ATRNL1: variants seen among roughly 807,000 people sequenced by gnomAD.
ATRNL1 encodes attractin-like protein 1.
In ATRNL1, 95 loss-of-function variants were observed where a neutral mutation model predicts 182.7. The observed-to-expected ratio is 0.52, with a 90% CI of 0.44 to 0.62. The LOEUF (loss-of-function observed/expected upper bound fraction) is 0.62. ATRNL1 is among the 20% of genes least tolerant of loss of function. The probability of loss-of-function intolerance (pLI) is 0.00; values close to 1 mark genes in which losing one functional copy is unlikely to be tolerated. For missense variants in ATRNL1, 1,471 were observed against 1,679.5 expected, an observed-to-expected ratio of 0.88 and a Z score of 2.17; for synonymous variants, 576 against 568.3, an observed-to-expected ratio of 1.01 and a Z score of -0.19.
At chr10:115,340,471 CT>C (rs1197538123) in intron 19 of ATRNL1, among the ~76,000 whole-genome samples, 11 of 89,570 alleles carry the variant, frequency 1.2e-4, no homozygotes, top group South Asian at 1.2e-3. Flanking sequence ...CTTTTCTTTT[CT>C]TTTCTTTTTT....
chr10:115,446,009 G>A (rs1189912783), intron 21 of ATRNL1, among the ~76,000 whole-genome samples: 1 of 151,972 alleles, frequency 6.6e-6, no homozygotes, highest in Non-Finnish European at 1.5e-5. Flanking sequence ...AGGTACATGG[G>A]TTGTTTTTAC....
intron 20 of ATRNL1, among the ~76,000 whole-genome samples, chr10:115,424,383 A>C (rs1359675149): frequency 1.3e-5 from 2 of 152,218 alleles, no homozygotes; most frequent in Non-Finnish European, 2.9e-5. Context: ...AAGTTTCTCC[A>C]AAAATTAAAA....
intron 9 of ATRNL1, among the ~76,000 whole-genome samples, chr10:115,241,358 C>T (rs1266759828): frequency 6.6e-6 from 1 of 151,402 alleles, no homozygotes; most frequent in African/African-American, 2.4e-5. Context: ...TATTGTGTCT[C>T]CTCAAAGCAT....
rs565667364 is a variant in ATRNL1 at position 115,579,108 on chromosome 10, T to C, written c.3795+29572T>C. Among the ~76,000 whole-genome samples, 8 of 151,926 alleles carry C rather than the reference T, an allele frequency of 5.3e-5. No homozygotes were observed. The East Asian group carries it at 1.5e-3, about 29-fold the overall frequency. ...TCTTCTTAAATTTGTTAAGAATTGTTTTGTGGTCTAACGTGATCTATCCTA... is the reference window on the plus strand; with the variant it reads ...TCTTCTTAAATTTGTTAAGAATTGTCTTGTGGTCTAACGTGATCTATCCTA... On this transcript the variant is annotated intron_variant, in intron 26 of 28. Transcript: ENST00000355044.
At chr10:115,217,488 T>C (rs143537688) in intron 9 of ATRNL1, among the ~76,000 whole-genome samples, 228 of 152,322 alleles carry the variant, frequency 1.5e-3, no homozygotes, top group African/African-American at 5.2e-3. Context: ...GGTATAGCAA[T>C]GCTCAGGTAA....
chr10:115,148,622 G>A (rs894468986), intron 5 of ATRNL1, among the ~76,000 whole-genome samples: 1 of 152,104 alleles, frequency 6.6e-6, no homozygotes, highest in Non-Finnish European at 1.5e-5. Flanking sequence ...AATCGAAGAC[G>A]TGGACACACA....
At chr10:115,489,008 T>G (rs549190426) in intron 24 of ATRNL1, among the ~76,000 whole-genome samples, 117 of 152,198 alleles carry the variant, frequency 7.7e-4, no homozygotes, top group Middle Eastern at 3.4e-3. Flanking sequence ...GGAGCAGGTT[T>G]TTCAGTTTCC....
At chr10:115,146,134 T>G (rs1845960817) in intron 5 of ATRNL1, among the ~76,000 whole-genome samples, 1 of 152,090 alleles carries the variant, frequency 6.6e-6, no homozygotes, top group South Asian at 2.1e-4. Flanking sequence ...TTAGCAATAT[T>G]TATTTAATGT....
intron 26 of ATRNL1, among the ~76,000 whole-genome samples, chr10:115,584,203 TA>T (rs1555008967): frequency 2.0e-5 from 3 of 147,702 alleles, no homozygotes; most frequent in Non-Finnish European, 3.0e-5. Flanking sequence ...GATATTGGTC[TA>T]AAATTCTCTT....
rs1854367955 is a variant in ATRNL1, at chr10:115,571,172, C to T, written c.3795+21636C>T. On this transcript the variant is annotated intron_variant, in intron 26 of 28. Coordinates refer to ENST00000355044, the MANE Select transcript of ATRNL1 (RefSeq NM_207303.4). ...CAATTGTTTTAATAGGAGGCAGCTT[C>T]TAGTCCTTTTATAGACTAGACCTAT... Among the ~76,000 whole-genome samples the T allele has an allele frequency of 3.3e-5, 5 of 152,286 alleles. No individual in the cohort carries two copies. In the South Asian group the frequency reaches 1.0e-3, roughly 32 times the overall value.
chr10:115,134,937 CAT>C (rs1157392659), intron 5 of ATRNL1, among the ~76,000 whole-genome samples: 1 of 152,104 alleles, frequency 6.6e-6, no homozygotes, highest in Non-Finnish European at 1.5e-5. Context: ...ACAAAAACCA[CAT>C]GATTATCTCA....
chr10:115,519,096 A>G (rs1021435504), intron 24 of ATRNL1, among the ~76,000 whole-genome samples, 167 bp from the exon 25 acceptor site: 48 of 152,052 alleles, frequency 3.2e-4, no homozygotes, highest in African/African-American at 9.7e-4. Context: ...AGTTGGATAT[A>G]TTAGGTATTC....
intron 28 of ATRNL1, among the ~76,000 whole-genome samples, chr10:115,911,971 C>T (rs1262115188): frequency 1.3e-5 from 2 of 152,146 alleles, no homozygotes; most frequent in Non-Finnish European, 2.9e-5. Flanking sequence ...CCTTTATGTA[C>T]TATGTTTCTC....
intron 19 of ATRNL1, among the ~76,000 whole-genome samples, chr10:115,354,662 GGT>G (rs1856425088): frequency 6.6e-6 from 1 of 151,822 alleles, no homozygotes; most frequent in African/African-American, 2.4e-5. Flanking sequence ...TATGTCTTGT[GGT>G]AGTCTTATTT....
intron 5 of ATRNL1, among the ~76,000 whole-genome samples, chr10:115,130,745 A>T (rs1176499502): frequency 6.6e-6 from 1 of 152,118 alleles, no homozygotes; most frequent in Non-Finnish European, 1.5e-5. Context: ...AAACTAAAAT[A>T]ACTGTCTTTT....
intron 21 of ATRNL1, among the ~76,000 whole-genome samples, chr10:115,451,098 A>T (rs1179554670): frequency 6.6e-6 from 1 of 152,178 alleles, no homozygotes; most frequent in Non-Finnish European, 1.5e-5. Context: ...CCCCTTCCTT[A>T]CACCATATAC....
chr10:115,223,913 G>GTGTGTGTATATATATA (rs71476115), intron 9 of ATRNL1, among the ~76,000 whole-genome samples: 24 of 55,928 alleles, frequency 4.3e-4, no homozygotes, highest in South Asian at 1.4e-3. Context: ...GTGTGTGTGT[G>GTGTGTGTATATATATA]TATATATATA....
intron 24 of ATRNL1, among the ~76,000 whole-genome samples, chr10:115,516,852 C>G (rs1164718098): frequency 6.6e-6 from 1 of 151,856 alleles, no homozygotes; most frequent in African/African-American, 2.4e-5. Flanking sequence ...AGGCCAGCAG[C>G]TCTAACCACC....
At chr10:115,555,008 A>T (rs1554996675) in intron 26 of ATRNL1, among the ~76,000 whole-genome samples, 1 of 151,786 alleles carries the variant, frequency 6.6e-6, no homozygotes, top group East Asian at 1.9e-4. Context: ...ATCTCGATAT[A>T]TGTGTCTGAT....
Sources: gnomAD v4.1 joint callset for allele counts (sites outside exome capture counted in the v4.1 genomes callset) on GRCh38, gnomAD v4.1.1 for gene constraint, MANE v1.5 for transcripts, NCBI Gene and HGNC (gene_info 2026-07-23, HGNC 2026-07-21) for gene names.